GRIA3: variants seen among roughly 807,000 people sequenced by gnomAD.
GRIA3 encodes glutamate receptor 3.
A neutral mutation model predicts 63.0 loss-of-function variants in GRIA3; 3 were observed. The observed-to-expected ratio is 0.05, with a 90% CI of 0.02 to 0.12. The LOEUF is 0.12. Ranked by LOEUF, GRIA3 falls within the 10% of genes least tolerant of loss-of-function variation. The pLI, the probability that GRIA3 is intolerant of heterozygous loss-of-function variation, is 1.00. For missense variants in GRIA3, 347 were observed against 700.9 expected (o/e 0.50, Z 5.70); for synonymous variants, 274 against 257.9 (o/e 1.06, Z -0.60).
chrX:123,249,530 G>T (rs914175688), intron 2 of GRIA3, among the ~76,000 whole-genome samples: 4 of 111,650 alleles, frequency 3.6e-5, no homozygotes, highest in Non-Finnish European at 7.5e-5. Flanking sequence ...TATGGCAGTT[G>T]TCTTCCCCAT....
intron 2 of GRIA3, among the ~76,000 whole-genome samples, chrX:123,240,371 T>G (rs1240057865): frequency 8.9e-6 from 1 of 111,891 alleles, no homozygotes; most frequent in Non-Finnish European, 1.9e-5. Context: ...TAGGTTTTTT[T>G]GCTCTTCAGG....
At chrX:123,326,450 G>T (rs957557778) in intron 4 of GRIA3, among the ~76,000 whole-genome samples, 4 of 110,921 alleles carry the variant, frequency 3.6e-5, no homozygotes, top group South Asian at 3.8e-4. Flanking sequence ...TAATCTGGAA[G>T]TATTTGCAAT....
At chrX:123,371,053 CCT>C (rs1459665662) in intron 5 of GRIA3, among the ~76,000 whole-genome samples, 1 of 82,955 alleles carries the variant, frequency 1.2e-5, no homozygotes, top group Admixed American at 1.5e-4. Context: ...CCCTTCCCAA[CCT>C]CTGATTACCA....
intron 3 of GRIA3, among the ~76,000 whole-genome samples, chrX:123,319,934 T>G (rs2044857149): frequency 9.0e-6 from 1 of 110,905 alleles, no homozygotes; most frequent in Admixed American, 9.6e-5. Context: ...GAGATTAAAA[T>G]AAAACAAAAC....
intron 3 of GRIA3, among the ~76,000 whole-genome samples, chrX:123,316,850 A>G (rs1177266242): frequency 8.9e-6 from 1 of 112,247 alleles, no homozygotes; most frequent in East Asian, 2.8e-4. Context: ...AAATTATAAT[A>G]CTATACTTTT....
chrX:123,447,379 G>A (rs1434389155), intron 12 of GRIA3, among the ~76,000 whole-genome samples: 2 of 111,799 alleles, frequency 1.8e-5, no homozygotes, highest in East Asian at 2.8e-4. Context: ...AGTTCTTTAC[G>A]ATTCAACATG....
At chrX:123,331,208 G>T (rs777760915) in intron 4 of GRIA3, among the ~76,000 whole-genome samples, 2 of 111,586 alleles carry the variant, frequency 1.8e-5, no homozygotes, top group Non-Finnish European at 3.8e-5. Flanking sequence ...TTCCCCTTGA[G>T]ATATTCCAGG....
intron 15 of GRIA3, among the ~76,000 whole-genome samples, chrX:123,484,726 G>A (rs752613949): frequency 2.8e-4 from 31 of 111,929 alleles, no homozygotes; most frequent in African/African-American, 3.6e-4. Context: ...CAAGTGATCC[G>A]CCTGCGTCAG....
At chrX:123,184,836 C>G (rs1040212667) in intron 1 of GRIA3, 192 bp downstream of exon 1, 1 of 498,308 alleles carries the variant, frequency 2.0e-6, no homozygotes, top group Non-Finnish European at 3.6e-6. Context: ...GGTGGCTGGT[C>G]TGAAGAGCCT....
intron 7 of GRIA3, 49 bp downstream of exon 7, chrX:123,398,852 A>C: frequency 9.8e-7 from 1 of 1,022,826 alleles, no homozygotes; most frequent in South Asian, 1.9e-5. Context: ...ATAAAGACAT[A>C]AAAAAGATGA....
intron 3 of GRIA3, among the ~76,000 whole-genome samples, chrX:123,308,119 C>T (rs2044766710): frequency 8.9e-6 from 1 of 111,795 alleles, no homozygotes; most frequent in Non-Finnish European, 1.9e-5. Context: ...GTTCATGTCC[C>T]ATCCATAATC....
At chrX:123,282,048 G>A (rs1408496511) in intron 3 of GRIA3, among the ~76,000 whole-genome samples, 1 of 111,604 alleles carries the variant, frequency 9.0e-6, no homozygotes, top group African/African-American at 3.3e-5. Context: ...ACCAATTACT[G>A]GGCCTCAGCC....
intron 4 of GRIA3, among the ~76,000 whole-genome samples, chrX:123,353,431 G>A (rs748175215): frequency 5.2e-4 from 58 of 111,669 alleles, no homozygotes; most frequent in Non-Finnish European, 8.5e-4. Context: ...TGAGACTAAT[G>A]ATACTTAATC....
At chrX:123,352,836 G>A (rs757408702) in intron 4 of GRIA3, among the ~76,000 whole-genome samples, 9 of 110,997 alleles carry the variant, frequency 8.1e-5, no homozygotes, top group Non-Finnish European at 1.7e-4. Context: ...TCTCGCAAGC[G>A]GACACTGAAG....
intron 3 of GRIA3, among the ~76,000 whole-genome samples, chrX:123,278,370 G>T (rs1245200723): frequency 8.9e-6 from 1 of 112,188 alleles, no homozygotes; most frequent in Non-Finnish European, 1.9e-5. Flanking sequence ...CCATGCTGTA[G>T]GTTGTGTCCC....
chrX:123,407,917 C>G (rs144567729), intron 10 of GRIA3, among the ~76,000 whole-genome samples: 110 of 111,044 alleles, frequency 9.9e-4, no homozygotes, highest in African/African-American at 3.3e-3. Context: ...TTGGCAACAA[C>G]AGCATGGCAA....
At chrX:123,409,182 A>G (rs754106292) in intron 10 of GRIA3, among the ~76,000 whole-genome samples, 2 of 112,135 alleles carry the variant, frequency 1.8e-5, no homozygotes, top group African/African-American at 6.5e-5. Flanking sequence ...CATGAAACCT[A>G]TACAGATAGG....
At chrX:123,348,282 T>C (rs1937180219) in intron 4 of GRIA3, among the ~76,000 whole-genome samples, 1 of 111,862 alleles carries the variant, frequency 8.9e-6, no homozygotes, top group African/African-American at 3.2e-5. Context: ...AATATATAAA[T>C]AGTTCACAGT....
chrX:123,403,309 T>C (rs1460610583), intron 8 of GRIA3, 103 bp from the exon 9 acceptor site: 1 of 654,444 alleles, frequency 1.5e-6, no homozygotes, highest in Admixed American at 2.2e-5. Flanking sequence ...TGTCAATCCT[T>C]ATAGAGCTCA....
Sources: allele counts gnomAD v4.1 joint callset (sites outside exome capture counted in the v4.1 genomes callset), GRCh38; gene constraint gnomAD v4.1.1; transcripts MANE v1.5; gene names NCBI Gene and HGNC (gene_info 2026-07-23, HGNC 2026-07-21).